The following ALG9 variants were observed in gnomAD, a reference collection of about 807,000 sequenced individuals.
ALG9 encodes ALG9 alpha-1,2-mannosyltransferase, also known as alpha-1,2-mannosyltransferase ALG9.
ALG9 carries 55 observed loss-of-function variants against 81.8 expected under a neutral mutation model. The ratio of observed to expected loss-of-function variants is 0.67; its 90% CI spans 0.54 to 0.84. The LOEUF (loss-of-function observed/expected upper bound fraction) is 0.84, where lower values mean the gene tolerates loss of function less well. Among genes scored for constraint, ALG9 ranks in the 40% least tolerant of loss-of-function variants. The pLI is 0.00. For missense variants in ALG9, 629 were observed against 745.0 expected, an observed-to-expected ratio of 0.84 and a Z score of 1.81; for synonymous variants, 278 against 274.3, an observed-to-expected ratio of 1.01 and a Z score of -0.13.
chr11:111,838,305 C>A lies in ALG9; in HGVS notation c.1268G>T (p.Gly423Val). ...CAAGAGCCCAAACAGGAAGACAGTT[C>A]CTAATGCCAGCCAATTCGATGTCAC... ...YTVTSNWLAL[G>V]TVFLFGLLSF... Residue 423 changes from glycine to valine, a missense_variant, in exon 11 of 15, where the codon GGA becomes GTA. This residue lies in a region of ALG9 where 264 missense variants were observed against 302.2 expected (regional missense o/e 0.87). Coordinates refer to ENST00000616540, the MANE Select transcript of ALG9 (RefSeq NM_024740.2). 1 of 1,614,152 alleles carries A rather than the reference C, an allele frequency of 6.2e-7. No individual in the cohort carries two copies.
At chr11:111,771,464 C>G in the ALG9 span, 3 of 152,248 alleles carry the variant, frequency 2.0e-5, no homozygotes, top group African/African-American at 7.2e-5. Context: ...CCCCTTGCCT[C>G]AAGTTTACTA....
intron 6 of ALG9, among the ~76,000 whole-genome samples, chr11:111,854,720 TACTTCC>T (rs1958400587): frequency 6.6e-6 from 1 of 152,258 alleles, no homozygotes; most frequent in Admixed American, 6.5e-5. Context: ...TCACCCCAAC[TACTTCC>T]ATTTCCATAG....
chr11:111,797,566 G>A (rs1948486969), intron 14 of ALG9, among the ~76,000 whole-genome samples: 1 of 152,254 alleles, frequency 6.6e-6, no homozygotes, highest in Admixed American at 6.5e-5. Flanking sequence ...ACTAAGTATG[G>A]ATGACTGTTA....
chr11:111,858,479 G>A (rs962932125), intron 5 of ALG9, among the ~76,000 whole-genome samples: 1 of 152,132 alleles, frequency 6.6e-6, no homozygotes, highest in Non-Finnish European at 1.5e-5. Flanking sequence ...CTCTAGCCCC[G>A]GAAATTCTAG....
chr11:111,797,937 C>G (rs1468932599), intron 14 of ALG9, among the ~76,000 whole-genome samples: 1 of 152,118 alleles, frequency 6.6e-6, no homozygotes, highest in African/African-American at 2.4e-5. Flanking sequence ...TAGAAAAGGC[C>G]CCTCTCCTGC....
intron 3 of ALG9, among the ~76,000 whole-genome samples, chr11:111,868,285 T>C (rs1555155155): frequency 6.6e-6 from 1 of 152,192 alleles, no homozygotes; most frequent in East Asian, 1.9e-4. Flanking sequence ...TAATATGCTA[T>C]TCCACCGTAC....
intron 4 of ALG9, among the ~76,000 whole-genome samples, chr11:111,863,776 T>C (rs1439493975): frequency 3.9e-5 from 6 of 152,190 alleles, no homozygotes; most frequent in Admixed American, 2.6e-4. Context: ...ACAAGAGCAG[T>C]GATATCCCAC....
chr11:111,809,962 C>G lies in ALG9; in HGVS notation c.1603-189G>C, dbSNP rs80069758. The stretch of plus-strand genomic sequence containing the variant: ...GGCTCTTGTGGGGGAGAGGCACACT[C>G]ATTCAGCCATAGGTAAGCTTTGGCT... On this transcript the variant is annotated intron_variant, in intron 13 of 14. Coordinates refer to ENST00000616540, the MANE Select transcript of ALG9 (RefSeq NM_024740.2). 6.6e-3 allele frequency among the ~76,000 whole-genome samples: 1,001 copies of G among 152,320 alleles called. 6 individuals are homozygous for G. The highest frequency in any genetic ancestry group is 0.051 in the Middle Eastern group (15 of 294).
Position 111,854,454 on chromosome 11 carries a change from A to T in ALG9, c.702-718T>A, listed in dbSNP as rs183608830. Among the ~76,000 whole-genome samples, 34 of 152,036 alleles carry T rather than the reference A, an allele frequency of 2.2e-4. No homozygotes were observed. The East Asian group carries it at 6.4e-3, about 29-fold the overall frequency. On this transcript the variant is annotated intron_variant, in intron 6 of 14. Coordinates refer to ENST00000616540, the MANE Select transcript of ALG9 (RefSeq NM_024740.2). The stretch of plus-strand genomic sequence containing the variant: ...CCGCTAATTGTTTTGTATTTTTAGT[A>T]GAGACAGGGTTTCACCATGTTGGCC...
intron 9 of ALG9, among the ~76,000 whole-genome samples, chr11:111,842,490 T>C (rs980625218): frequency 2.6e-5 from 4 of 152,064 alleles, no homozygotes; most frequent in Admixed American, 2.6e-4. Context: ...GGCACAACCA[T>C]GGCTCACTGT....
chr11:111,792,303 T>A (rs1947563065), intron 14 of ALG9, among the ~76,000 whole-genome samples: 1 of 152,252 alleles, frequency 6.6e-6, no homozygotes, highest in African/African-American at 2.4e-5. Flanking sequence ...TGCCAACATG[T>A]GCCTGGCATA....
intron 13 of ALG9, among the ~76,000 whole-genome samples, chr11:111,825,757 A>G (rs577909554): frequency 6.6e-6 from 1 of 152,260 alleles, no homozygotes; most frequent in East Asian, 1.9e-4. Context: ...TTATCAAAAT[A>G]ATATATACAG....
chr11:111,773,488 G>C, the ALG9 span, among the ~76,000 whole-genome samples: 4 of 152,012 alleles, frequency 2.6e-5, no homozygotes, highest in African/African-American at 9.6e-5. Context: ...CAGGTGATTC[G>C]CCTGCCTTCG....
intron 14 of ALG9, among the ~76,000 whole-genome samples, chr11:111,792,406 G>A (rs1264728021): frequency 6.6e-6 from 1 of 152,206 alleles, no homozygotes; most frequent in Non-Finnish European, 1.5e-5. Flanking sequence ...TCACACATAT[G>A]AGATATGAGT....
intron 10 of ALG9, among the ~76,000 whole-genome samples, chr11:111,839,684 G>A (rs2136868717): frequency 6.6e-6 from 1 of 151,974 alleles, no homozygotes; most frequent in Non-Finnish European, 1.5e-5. Flanking sequence ...AAAATGCTGG[G>A]AGGAGTTTTT....
chr11:111,859,734 G>GGAGTA (rs1959358840), intron 5 of ALG9, among the ~76,000 whole-genome samples: 2 of 152,002 alleles, frequency 1.3e-5, no homozygotes, highest in Admixed American at 6.6e-5. Context: ...TGACATCTCT[G>GGAGTA]CAGAACAACA....
chr11:111,868,454 T>C (rs1963202116), intron 3 of ALG9, 148 bp downstream of exon 3: 1 of 1,020,412 alleles, frequency 9.8e-7, no homozygotes, highest in South Asian at 1.8e-5. Context: ...GTTTCATTAA[T>C]GCTTGTTGAA....
At chr11:111,819,600 A>G (rs1295147235) in intron 13 of ALG9, among the ~76,000 whole-genome samples, 1 of 152,266 alleles carries the variant, frequency 6.6e-6, no homozygotes, top group Non-Finnish European at 1.5e-5. Flanking sequence ...ATTTGGTCAT[A>G]ACTGAGACTA....
chr11:111,850,951 C>G (rs1224459228), intron 8 of ALG9, among the ~76,000 whole-genome samples: 1 of 151,984 alleles, frequency 6.6e-6, no homozygotes, highest in Non-Finnish European at 1.5e-5. Context: ...GAAGCTATCT[C>G]AGGTTCATTA....
Sources: allele counts gnomAD v4.1 joint callset (sites outside exome capture counted in the v4.1 genomes callset), GRCh38; gene constraint gnomAD v4.1.1; regional missense constraint gnomAD v4.1.1; transcripts MANE v1.5; gene names NCBI Gene and HGNC (gene_info 2026-07-23, HGNC 2026-07-21).